Variants in RETREG1 observed in about 807,000 individuals in gnomAD.
RETREG1 encodes family with sequence similarity 134 member B.
RETREG1 carries 44 observed loss-of-function variants against 54.8 expected under a neutral mutation model. The observed-to-expected ratio is 0.80, with a 90% CI of 0.63 to 1.03. The LOEUF is 1.03. RETREG1 is among the 50% of genes least tolerant of loss of function. The pLI is 0.00. For synonymous variants in RETREG1, 217 were observed against 238.5 expected (o/e 0.91, Z 0.83); for missense variants, 554 against 605.1 (o/e 0.92, Z 0.89).
At chr5:16,600,146 G>A (rs533862827) in intron 1 of RETREG1, among the ~76,000 whole-genome samples, 9 of 152,154 alleles carry the variant, frequency 5.9e-5, no homozygotes, top group Non-Finnish European at 1.3e-4. Context: ...GATTACAGGT[G>A]CAGACCACCA....
intron 1 of RETREG1, among the ~76,000 whole-genome samples, chr5:16,590,091 A>G (rs1434483262): frequency 1.3e-5 from 2 of 152,232 alleles, no homozygotes; most frequent in African/African-American, 4.8e-5. Context: ...TCCTATTTCC[A>G]GAACATTCTA....
chr5:16,525,310 A>G (rs117409469), intron 3 of RETREG1, among the ~76,000 whole-genome samples: 46 of 85,806 alleles, frequency 5.4e-4, no homozygotes, highest in East Asian at 1.9e-3. Context: ...TGCGTCCTCC[A>G]GCCCCAACAG....
intron 3 of RETREG1, among the ~76,000 whole-genome samples, chr5:16,543,910 T>C (rs1004311295): frequency 6.6e-6 from 1 of 152,100 alleles, no homozygotes; most frequent in Non-Finnish European, 1.5e-5. Context: ...TGTGTTTATT[T>C]TCTTTGTTGA....
intron 1 of RETREG1, among the ~76,000 whole-genome samples, chr5:16,579,664 T>C (rs1742430144): frequency 6.6e-6 from 1 of 152,214 alleles, no homozygotes; most frequent in East Asian, 1.9e-4. Context: ...ACTGTCTCCA[T>C]AGTTTTGCCT....
At chr5:16,559,203 C>T (rs1231491514) in intron 3 of RETREG1, among the ~76,000 whole-genome samples, 1 of 152,160 alleles carries the variant, frequency 6.6e-6, no homozygotes, top group Non-Finnish European at 1.5e-5. Flanking sequence ...AACAAAAGAG[C>T]ATTTCATTGC....
At position 16,474,747 on chromosome 5, in the gene RETREG1, G is replaced by A; in HGVS notation, c.1488C>T (p.Gly496=). ...SSGFLSNLLG[G]H ...TTGCAAGCTGATTCCTAGATTAATG[G>A]CCTCCCAGCAGATTTGAAAGGAAAC... The change falls in exon 9 of 9, where the codon GGC becomes GGT. Residue 496 remains glycine, a synonymous_variant. Transcript: ENST00000306320. 1 of 1,610,218 alleles carries A rather than the reference G, an allele frequency of 6.2e-7. No individual in the cohort carries two copies. Among genetic ancestry groups the A allele is most frequent in the Non-Finnish European group, 8.5e-7 (1 of 1,179,478 alleles).
At chr5:16,493,349 T>C (rs761425729) in intron 3 of RETREG1, among the ~76,000 whole-genome samples, 9 of 152,206 alleles carry the variant, frequency 5.9e-5, no homozygotes, top group Non-Finnish European at 8.8e-5. Context: ...TAACTAGACT[T>C]TCATAAGCCC....
chr5:16,474,707 G>GTTTTTTTTT lies in RETREG1; in HGVS notation c.*33_*34insAAAAAAAAA. The GTTTTTTTTT allele has an allele frequency of 1.5e-6, 2 of 1,372,050 alleles. No individual in the cohort carries two copies. The highest frequency in any genetic ancestry group is 1.7e-5 in the South Asian group (1 of 59,178). The allele number at this position is 1,372,050 out of a possible 1,614,324, so 85.0% of individuals were successfully genotyped here. A position where few individuals can be genotyped will look rare whatever the true frequency, so the allele number is the denominator to read the frequency against. ...TTTTCTTGTTTGAAATTTTTTTGGT[G>GTTTTTTTTT]TTTTTTGTGCTCTGTTGCAAGCTGA... On this transcript the variant is annotated 3_prime_UTR_variant, in exon 9 of 9. Transcript: ENST00000306320.
rs1490540688 is a variant in RETREG1, at chr5:16,565,717, C to T, written c.458+46G>A. ...ACATCTTGGTGGCTCAGTCCCCTCC[C>T]TCACCCTCCCTCCATTAAGCACAAC... On this transcript the variant is annotated intron_variant, in intron 3 of 8. Coordinates refer to ENST00000306320, the MANE Select transcript of RETREG1 (RefSeq NM_001034850.3). 3.1e-6 allele frequency: 5 copies of T among 1,608,220 alleles called. No homozygotes were observed. In the African/African-American group the frequency reaches 4.0e-5, roughly 13 times the overall value.
chr5:16,481,512 A>C (rs1025913299), intron 4 of RETREG1, among the ~76,000 whole-genome samples: 3 of 152,104 alleles, frequency 2.0e-5, no homozygotes, highest in Admixed American at 1.3e-4. Context: ...AGCCCACTGA[A>C]ATTCATAAAA....
Position 16,572,229 on chromosome 5 carries a change from T to A in RETREG1, c.321-127A>T, listed in dbSNP as rs77939671. The A allele has an allele frequency of 5.9e-6, 4 of 676,828 alleles. No homozygotes were observed. In the East Asian group the frequency reaches 1.2e-4, roughly 21 times the overall value. 41.9% of individuals were successfully genotyped at this position (676,828 alleles called of 1,614,324 possible). On this transcript the variant is annotated intron_variant, in intron 1 of 8. Transcript: ENST00000306320. ...ATGATTTCACTTTTTTTTTTTTTTT[T>A]TGAGACAGAGTCTCGCTCTGTTGCC...
At chr5:16,477,598 G>C in intron 8 of RETREG1, 64 bp downstream of exon 8, 1 of 1,463,912 alleles carries the variant, frequency 6.8e-7, no homozygotes, top group Non-Finnish European at 9.6e-7. Flanking sequence ...TTCAGTATTT[G>C]ACAGAAGTTC....
At chr5:16,590,057 C>T (rs555946290) in intron 1 of RETREG1, among the ~76,000 whole-genome samples, 3 of 152,330 alleles carry the variant, frequency 2.0e-5, no homozygotes, top group Middle Eastern at 3.4e-3. Context: ...GCCTCATGGA[C>T]GCCATTCCTC....
At position 16,597,389 on chromosome 5, in the gene RETREG1, T is replaced by G. The variant is rs781775583; in HGVS notation, c.320+19263A>C. ...TGTAACATTATCCTTATTCACTGAT[T>G]TGTCACTGTACCTTCATCATTAAAT... On this transcript the variant is annotated intron_variant, in intron 1 of 8. Transcript: ENST00000306320. This position sits in a 1 kb window ranked among gnomAD's most constrained non-coding sequence, Gnocchi z 4.3. 1.3e-5 allele frequency among the ~76,000 whole-genome samples: 2 copies of G among 152,244 alleles called. No homozygotes were observed. Among genetic ancestry groups the G allele is most frequent in the Non-Finnish European group, 2.9e-5 (2 of 68,048 alleles).
chr5:16,504,347 T>C (rs1336143550), intron 3 of RETREG1, among the ~76,000 whole-genome samples: 1 of 152,214 alleles, frequency 6.6e-6, no homozygotes, highest in Non-Finnish European at 1.5e-5. Flanking sequence ...CTATTGTGAA[T>C]AGTTCCAGCT....
chr5:16,484,195 GC>G (rs1191429574), intron 3 of RETREG1, among the ~76,000 whole-genome samples: 1 of 151,922 alleles, frequency 6.6e-6, no homozygotes, highest in East Asian at 1.9e-4. Flanking sequence ...CTTTCTCCCT[GC>G]CCTCATTTTC....
At chr5:16,573,540 C>G (rs141664642) in intron 1 of RETREG1, among the ~76,000 whole-genome samples, 2 of 152,134 alleles carry the variant, frequency 1.3e-5, no homozygotes, top group African/African-American at 4.8e-5. Context: ...AAAGAACACA[C>G]GAATACTGCC....
rs79254182 is a variant in RETREG1 at position 16,488,703 on chromosome 5, T to G, written c.459-5231A>C. On this transcript the variant is annotated intron_variant, in intron 3 of 8. Transcript: ENST00000306320. ...CGAAAAACTTCAAAATTCACAGACA[T>G]GGGTAGAATACTCAGAAGGGTCTTG... 4.4e-3 allele frequency among the ~76,000 whole-genome samples: 671 copies of G among 152,178 alleles called. 7 individuals are homozygous for G. Among genetic ancestry groups the G allele is most frequent in the African/African-American group, 0.015 (619 of 41,520 alleles).
At chr5:16,523,120 T>C (rs1684162307) in intron 3 of RETREG1, among the ~76,000 whole-genome samples, 1 of 152,188 alleles carries the variant, frequency 6.6e-6, no homozygotes, top group African/African-American at 2.4e-5. Flanking sequence ...GCTCCTGATC[T>C]CTCTCACCCA....
Sources: gnomAD v4.1 joint callset for allele counts (sites outside exome capture counted in the v4.1 genomes callset) on GRCh38, gnomAD v4.1.1 for gene constraint, Gnocchi (gnomAD v3.1) non-coding constraint, MANE v1.5 for transcripts, NCBI Gene and HGNC (gene_info 2026-07-23, HGNC 2026-07-21) for gene names.